Variants in CHIC1 observed in about 807,000 individuals in gnomAD.
CHIC1 encodes the protein cysteine rich hydrophobic domain 1, also known as cysteine-rich hydrophobic domain-containing protein 1.
In CHIC1, 7 loss-of-function variants were observed where a neutral mutation model predicts 18.5. That is an observed-to-expected ratio of 0.38 (90% CI 0.22 to 0.71). CHIC1 has a LOEUF of 0.71. Among genes scored for constraint, CHIC1 ranks in the 30% least tolerant of loss-of-function variants. CHIC1 has a pLI of 0.49. For synonymous variants in CHIC1, 77 were observed against 73.5 expected (o/e 1.05, Z -0.25); for missense variants, 159 against 176.9 (o/e 0.90, Z 0.57).
intron 3 of CHIC1, among the ~76,000 whole-genome samples, chrX:73,631,496 G>A (rs2057806758): frequency 9.1e-6 from 1 of 110,222 alleles, no homozygotes; most frequent in Non-Finnish European, 1.9e-5. Context: ...AGCTGGGTGT[G>A]GTGGCACATG....
chrX:73,584,246 ATTG>A (rs57324642), intron 2 of CHIC1, among the ~76,000 whole-genome samples, 168 bp from the exon 3 acceptor site: 5,287 of 111,390 alleles, frequency 0.047, 321 homozygotes, highest in African/African-American at 0.16. Context: ...TTGAAATTAT[ATTG>A]TTGTGCTTTT....
At chrX:73,589,127 T>G in intron 3 of CHIC1, among the ~76,000 whole-genome samples, 1 of 110,693 alleles carries the variant, frequency 9.0e-6, no homozygotes. Flanking sequence ...TTTAGGTTAT[T>G]GATTTGAGAT....
At chrX:73,579,380 T>C (rs1603340157) in intron 2 of CHIC1, among the ~76,000 whole-genome samples, 1 of 110,909 alleles carries the variant, frequency 9.0e-6, no homozygotes, top group Non-Finnish European at 1.9e-5. Context: ...TGTTAGTTTG[T>C]AGTTGCAGTT....
At chrX:73,595,920 G>A (rs2057605806) in intron 3 of CHIC1, among the ~76,000 whole-genome samples, 1 of 111,643 alleles carries the variant, frequency 9.0e-6, no homozygotes, top group Non-Finnish European at 1.9e-5. Flanking sequence ...TTTCTCTAAT[G>A]AACAGTAATT....
intron 3 of CHIC1, among the ~76,000 whole-genome samples, chrX:73,661,823 G>A (rs902160706): frequency 3.6e-5 from 4 of 110,876 alleles, no homozygotes; most frequent in African/African-American, 6.6e-5. Context: ...GGAATTATGC[G>A]GTCTCCACCA....
intron 3 of CHIC1, among the ~76,000 whole-genome samples, chrX:73,673,097 C>G (rs191219336): frequency 9.0e-6 from 1 of 111,614 alleles, no homozygotes; most frequent in Admixed American, 9.5e-5. Context: ...CTGTTCTGTT[C>G]CATTGATCTA....
chrX:73,609,185 T>C (rs1463323287), intron 3 of CHIC1, among the ~76,000 whole-genome samples: 5 of 107,197 alleles, frequency 4.7e-5, no homozygotes, highest in Non-Finnish European at 7.6e-5. Context: ...TAGATGCTTT[T>C]TATTAATTTT....
Position 73,563,505 on chromosome X carries a change from G to T in CHIC1, c.221G>T (p.Arg74Leu), listed in dbSNP as rs748012410. 1.7e-6 allele frequency: 2 copies of T among 1,164,531 alleles called. No homozygotes were observed. Among genetic ancestry groups the T allele is most frequent in the Non-Finnish European group, 2.3e-6 (2 of 871,711 alleles). ...GAGGAGGAAGCGCCGCCCCCGCCTC[G>T]GGTAGTGAGCGAGGAGCATCTGCGG... ...EEEEEAPPPPRVVSEEHLRRY... is the reference protein window; with the variant it reads ...EEEEEAPPPPLVVSEEHLRRY... The change falls in exon 1 of 6, where the codon CGG becomes CTG. Residue 74 changes from arginine (R) to leucine (L), a missense_variant. Transcript: ENST00000373502.
In CHIC1 at chrX:73,600,161, T is replaced by C. The variant is rs1274687118; in HGVS notation, c.507+15589T>C. ...TCTGTTTTTGGTGTATAAGAATGCT[T>C]GTGATTTTTGTACATTGATTTTGTA... On this transcript the variant is annotated intron_variant, in intron 3 of 5. Coordinates refer to ENST00000373502, the MANE Select transcript of CHIC1 (RefSeq NM_001039840.4). Among the ~76,000 whole-genome samples the C allele has an allele frequency of 1.2e-4, 12 of 97,856 alleles. No homozygotes were observed. In the South Asian group the frequency reaches 5.1e-3, roughly 42 times the overall value. 85.0% of individuals were successfully genotyped at this position (97,856 alleles called of 115,157 possible).
intron 3 of CHIC1, among the ~76,000 whole-genome samples, chrX:73,662,847 A>AAT (rs965258775): frequency 4.5e-5 from 5 of 111,354 alleles, no homozygotes; most frequent in Non-Finnish European, 9.4e-5. Flanking sequence ...CTGCTAGTAG[A>AAT]ATATCATCCA....
intron 5 of CHIC1, among the ~76,000 whole-genome samples, chrX:73,680,425 C>T (rs965023504): frequency 9.9e-5 from 11 of 110,857 alleles, no homozygotes; most frequent in Admixed American, 3.8e-4. Flanking sequence ...CAAAAATATC[C>T]GAGTTTTTTA....
chrX:73,631,685 T>G (rs1306437517), intron 3 of CHIC1, among the ~76,000 whole-genome samples: 1 of 111,923 alleles, frequency 8.9e-6, no homozygotes, highest in Non-Finnish European at 1.9e-5. Context: ...CACTATAAAC[T>G]TTCCTCTTAG....
chrX:73,654,880 T>C (rs952376022), intron 3 of CHIC1, among the ~76,000 whole-genome samples: 3 of 111,791 alleles, frequency 2.7e-5, no homozygotes, highest in Non-Finnish European at 5.6e-5. Context: ...CCTTTTTCAA[T>C]TTGATTTTAT....
At chrX:73,572,049 C>T (rs1293964905) in intron 1 of CHIC1, among the ~76,000 whole-genome samples, 1 of 110,248 alleles carries the variant, frequency 9.1e-6, no homozygotes, top group Non-Finnish European at 1.9e-5. Context: ...TACAATTGAA[C>T]CCATCACCCA....
At chrX:73,641,482 G>A (rs12116333) in intron 3 of CHIC1, among the ~76,000 whole-genome samples, 8,970 of 110,181 alleles carry the variant, frequency 0.081, 879 homozygotes, top group African/African-American at 0.28. Context: ...GGTAACCACC[G>A]TTCCACTCTC....
Position 73,604,041 on chromosome X carries a change from T to C in CHIC1, c.507+19469T>C, listed in dbSNP as rs747660787. Among the ~76,000 whole-genome samples the C allele has an allele frequency of 2.1e-4, 23 of 108,424 alleles. 1 individual carries two copies. In the South Asian group the frequency reaches 8.8e-3, roughly 41 times the overall value. The allele number at this position is 108,424 out of a possible 115,157, so 94.2% of individuals were successfully genotyped here. On this transcript the variant is annotated intron_variant, in intron 3 of 5. Coordinates refer to ENST00000373502, the MANE Select transcript of CHIC1 (RefSeq NM_001039840.4). ...CATAAAATGAGTTAGGGAGGAGTCCTTCTTTTTCTGTTGTTTGGAATAATT... is the reference window on the plus strand; with the variant it reads ...CATAAAATGAGTTAGGGAGGAGTCCCTCTTTTTCTGTTGTTTGGAATAATT...
intron 3 of CHIC1, among the ~76,000 whole-genome samples, chrX:73,594,689 A>G (rs1163639183): frequency 9.0e-6 from 1 of 111,416 alleles, no homozygotes; most frequent in Non-Finnish European, 1.9e-5. Flanking sequence ...ACCATTACCA[A>G]TACCTATTTC....
intron 3 of CHIC1, among the ~76,000 whole-genome samples, chrX:73,657,199 A>G (rs776861267): frequency 2.5e-4 from 27 of 108,524 alleles, no homozygotes; most frequent in African/African-American, 9.1e-4. Flanking sequence ...AGCTGGGACT[A>G]CAGGTGCCCG....
intron 3 of CHIC1, among the ~76,000 whole-genome samples, chrX:73,626,395 T>C (rs1303912638): frequency 7.2e-5 from 8 of 111,568 alleles, no homozygotes; most frequent in Non-Finnish European, 1.5e-4. Context: ...TTACTACTTC[T>C]GTCTCTATCT....
Sources: gnomAD v4.1 joint callset for allele counts (sites outside exome capture counted in the v4.1 genomes callset) on GRCh38, gnomAD v4.1.1 for gene constraint, MANE v1.5 for transcripts, NCBI Gene and HGNC (gene_info 2026-07-23, HGNC 2026-07-21) for gene names.